Variants in ATP2B2 observed in about 807,000 individuals in gnomAD.
ATP2B2 encodes ATPase plasma membrane Ca2+ transporting 2.
In ATP2B2, 15 loss-of-function variants were observed where a neutral mutation model predicts 120.0. The ratio of observed to expected loss-of-function variants is 0.12; its 90% confidence interval spans 0.08 to 0.19. The LOEUF is 0.19. ATP2B2 is among the 10% of genes least tolerant of loss of function. The probability of loss-of-function intolerance (pLI) is 1.00; values close to 1 mark genes in which losing one functional copy is unlikely to be tolerated. For missense variants in ATP2B2, 1,045 were observed against 1,719.8 expected (o/e 0.61, Z 6.94); for synonymous variants, 694 against 700.3 (o/e 0.99, Z 0.14).
chr3:10,678,637 G>A (rs1004049409), intron 1 of ATP2B2, among the ~76,000 whole-genome samples: 4 of 152,198 alleles, frequency 2.6e-5, no homozygotes, highest in Non-Finnish European at 5.9e-5. Context: ...GAAGCAGGGA[G>A]AGAGCTTGTA....
chr3:10,567,931 A>G (rs1324924011), intron 2 of ATP2B2, among the ~76,000 whole-genome samples: 1 of 152,184 alleles, frequency 6.6e-6, no homozygotes, highest in East Asian at 1.9e-4. Flanking sequence ...GAGTGAGTAA[A>G]TTGTGTGAAG....
chr3:10,583,955 T>G (rs1405286848), intron 2 of ATP2B2, among the ~76,000 whole-genome samples: 1 of 152,220 alleles, frequency 6.6e-6, no homozygotes, highest in Non-Finnish European at 1.5e-5. Context: ...AGCAGCTCCT[T>G]GGCAAATTCA....
At position 10,703,148 on chromosome 3, in the gene ATP2B2, A is replaced by T. The variant is rs111618952; in HGVS notation, c.-460+4767T>A. Among the ~76,000 whole-genome samples, 155 of 152,100 alleles carry T rather than the reference A, an allele frequency of 1.0e-3. 3 individuals carry two copies. The highest frequency in any genetic ancestry group is 3.6e-3 in the African/African-American group (149 of 41,484). On this transcript the variant is annotated intron_variant, in intron 1 of 21. Coordinates refer to the ATP2B2 transcript ENST00000646379. ...CCCTGGAGACAATCCTCAGCGGCTC[A>T]CTCCAGCCTTTGCCCGCCCCTTTCC...
chr3:10,367,947 C>T (rs537649219), intron 12 of ATP2B2, among the ~76,000 whole-genome samples: 1 of 152,286 alleles, frequency 6.6e-6, no homozygotes, highest in East Asian at 1.9e-4. Context: ...CAGGATCACA[C>T]AGGTGATGAG....
At chr3:10,497,066 G>A (rs1456128849) in intron 1 of ATP2B2, among the ~76,000 whole-genome samples, 2 of 152,246 alleles carry the variant, frequency 1.3e-5, no homozygotes, top group Admixed American at 6.5e-5. Flanking sequence ...ACCTTGGGCA[G>A]CTGTGGGCAG....
chr3:10,601,713 G>C (rs1219540944), intron 2 of ATP2B2, among the ~76,000 whole-genome samples: 1 of 152,172 alleles, frequency 6.6e-6, no homozygotes, highest in Non-Finnish European at 1.5e-5. Context: ...GAACGCCCAG[G>C]AGCCTGCATG....
At chr3:10,551,385 G>A (rs1308670201) in intron 2 of ATP2B2, among the ~76,000 whole-genome samples, 1 of 152,212 alleles carries the variant, frequency 6.6e-6, no homozygotes, top group Non-Finnish European at 1.5e-5. Flanking sequence ...GGGCACAGAT[G>A]GGGCCAAAGC....
intron 2 of ATP2B2, among the ~76,000 whole-genome samples, chr3:10,422,416 C>T (rs1325079668): frequency 6.6e-6 from 1 of 152,108 alleles, no homozygotes; most frequent in Admixed American, 6.5e-5. Flanking sequence ...TATGCAATGC[C>T]TAGAGTTTAT....
intron 1 of ATP2B2, among the ~76,000 whole-genome samples, chr3:10,481,413 C>T (rs577631458): frequency 7.9e-5 from 12 of 152,110 alleles, no homozygotes; most frequent in African/African-American, 2.2e-4. Flanking sequence ...GATGTCTGCA[C>T]GTTTCAGTCC....
intron 2 of ATP2B2, among the ~76,000 whole-genome samples, chr3:10,617,366 GAAAC>G: frequency 6.6e-6 from 1 of 151,826 alleles, no homozygotes; most frequent in South Asian, 2.1e-4. Flanking sequence ...AAAATAAAAA[GAAAC>G]AAACAAAATA....
At chr3:10,341,130 A>G (rs999791535) in intron 19 of ATP2B2, among the ~76,000 whole-genome samples, 1 of 151,926 alleles carries the variant, frequency 6.6e-6, no homozygotes, top group African/African-American at 2.4e-5. Context: ...TGAGACCTCT[A>G]CAAGCTCATG....
At chr3:10,705,122 A>G (rs2071876756) in intron 1 of ATP2B2, among the ~76,000 whole-genome samples, 1 of 152,216 alleles carries the variant, frequency 6.6e-6, no homozygotes, top group East Asian at 1.9e-4. Context: ...ACTGGGTTAT[A>G]GCAAATTCTT....
At chr3:10,642,081 T>G (rs2070189480) in intron 1 of ATP2B2, among the ~76,000 whole-genome samples, 1 of 152,024 alleles carries the variant, frequency 6.6e-6, no homozygotes, top group South Asian at 2.1e-4. Context: ...CCTCCACCCA[T>G]CCCTTACTAT....
chr3:10,482,555 G>A lies in ATP2B2; in HGVS notation c.-320+22910C>T, dbSNP rs572911568. On this transcript the variant is annotated intron_variant, in intron 1 of 22. Coordinates refer to ENST00000360273, the MANE Select transcript of ATP2B2 (RefSeq NM_001001331.4). ...GAGAGAGGGCAGTGCCATGGCTAGG[G>A]TCAAGCTGCCCCAAGGCTGGAACCC... Among the ~76,000 whole-genome samples, 13 of 152,336 alleles carry A rather than the reference G, an allele frequency of 8.5e-5. No individual in the cohort carries two copies. In the East Asian group the frequency reaches 2.5e-3, roughly 29 times the overall value.
chr3:10,397,809 C>T (rs1383822253), intron 5 of ATP2B2, among the ~76,000 whole-genome samples: 1 of 152,194 alleles, frequency 6.6e-6, no homozygotes, highest in African/African-American at 2.4e-5. Flanking sequence ...TGTCTACATC[C>T]TGCTCATAGA....
intron 1 of ATP2B2, among the ~76,000 whole-genome samples, chr3:10,669,175 CT>C: frequency 6.6e-6 from 1 of 152,306 alleles, no homozygotes; most frequent in South Asian, 2.1e-4. Context: ...ATGCTTTTCT[CT>C]TCCTGTCCCA....
intron 1 of ATP2B2, among the ~76,000 whole-genome samples, chr3:10,475,048 T>C (rs1442630396): frequency 6.6e-6 from 1 of 152,226 alleles, no homozygotes; most frequent in Non-Finnish European, 1.5e-5. Flanking sequence ...AGTTTCAGCC[T>C]GGGCTTCTGC....
At chr3:10,593,392 C>T (rs1272719310) in intron 2 of ATP2B2, among the ~76,000 whole-genome samples, 1 of 152,162 alleles carries the variant, frequency 6.6e-6, no homozygotes, top group African/African-American at 2.4e-5. Flanking sequence ...AGAGTCCATG[C>T]TCTCATTACC....
intron 2 of ATP2B2, among the ~76,000 whole-genome samples, chr3:10,440,690 G>A (rs1173304580): frequency 6.6e-6 from 1 of 152,204 alleles, no homozygotes; most frequent in Admixed American, 6.5e-5. Context: ...CCAATCAGGT[G>A]GGGATCACTC....
Sources: allele counts gnomAD v4.1 joint callset (sites outside exome capture counted in the v4.1 genomes callset), GRCh38; gene constraint gnomAD v4.1.1; transcripts MANE v1.5; gene names NCBI Gene and HGNC (gene_info 2026-07-23, HGNC 2026-07-21).